Variants in DNAAF9 observed in about 807,000 individuals in gnomAD.
DNAAF9 encodes the protein shulin.
In DNAAF9, 90 loss-of-function variants were observed where a neutral mutation model predicts 167.0. That is an observed-to-expected ratio of 0.54 (90% CI 0.45 to 0.64). DNAAF9 has a LOEUF of 0.64. DNAAF9 is among the 30% of genes least tolerant of loss of function. DNAAF9 has a pLI of 0.00. For synonymous variants in DNAAF9, 491 were observed against 508.8 expected, an observed-to-expected ratio of 0.96 and a Z score of 0.47; for missense variants, 1,315 against 1,442.2, an observed-to-expected ratio of 0.91 and a Z score of 1.43.
chr20:3,259,627 G>A, intron 32 of DNAAF9, 73 bp from the exon 33 acceptor site: 1 of 1,054,654 alleles, frequency 9.5e-7, no homozygotes, highest in Non-Finnish European at 1.5e-6. Flanking sequence ...ACAGCTGGGA[G>A]TTTTAGGGAC....
chr20:3,321,626 T>C (rs2069617482), intron 16 of DNAAF9, among the ~76,000 whole-genome samples: 2 of 152,218 alleles, frequency 1.3e-5, no homozygotes, highest in Admixed American at 1.3e-4. Flanking sequence ...TGGAGTGCAG[T>C]GGTGCAATCA....
At chr20:3,268,559 C>G (rs980907463) in intron 30 of DNAAF9, among the ~76,000 whole-genome samples, 1 of 152,132 alleles carries the variant, frequency 6.6e-6, no homozygotes. Flanking sequence ...GAACTCCTGA[C>G]TTCGTGATCT....
chr20:3,259,973 C>G lies in DNAAF9; in HGVS notation c.2929G>C (p.Val977Leu), dbSNP rs182286470. ...TTCTCCAAGGGACGGCCAAACCATA[C>G]GCAGATCTGAACCATTAGGGGATAG... ...SVYPLMVQIC[V>L]WFGRPLEKTR... Residue 977 changes from valine to leucine, a missense_variant, in exon 32 of 37, where the codon GTA becomes CTA. This residue lies in a region of DNAAF9 where 334 missense variants were observed against 429.7 expected (regional missense o/e 0.78). Coordinates refer to ENST00000252032, the MANE Select transcript of DNAAF9 (RefSeq NM_001009984.3). 2 of 1,613,142 alleles carry G rather than the reference C, an allele frequency of 1.2e-6. No homozygotes were observed. Among genetic ancestry groups the G allele is most frequent in the Non-Finnish European group, 8.5e-7 (1 of 1,179,050 alleles).
chr20:3,294,055 T>C, intron 25 of DNAAF9, 84 bp downstream of exon 25: 1 of 788,914 alleles, frequency 1.3e-6, no homozygotes, highest in Non-Finnish European at 2.2e-6. Context: ...AAGTTCTTTT[T>C]GTTAACTGAC....
At chr20:3,314,974 G>T in intron 20 of DNAAF9, 59 bp downstream of exon 20, 1 of 865,854 alleles carries the variant, frequency 1.2e-6, no homozygotes, top group South Asian at 1.4e-5. Context: ...CACCCATGCT[G>T]ACATCTGCAA....
intron 1 of DNAAF9, among the ~76,000 whole-genome samples, chr20:3,387,884 TA>T (rs557861791): frequency 0.084 from 7,208 of 86,120 alleles, 197 homozygotes; most frequent in African/African-American, 0.12. Flanking sequence ...CTACAAAAAG[TA>T]AAAAAAAAAA....
intron 12 of DNAAF9, 129 bp from the exon 13 acceptor site, chr20:3,326,413 C>A (rs191835431): frequency 6.1e-6 from 4 of 650,770 alleles, no homozygotes; most frequent in East Asian, 2.8e-5. Flanking sequence ...AAAATATAAC[C>A]CACTGATTTC....
intron 7 of DNAAF9, among the ~76,000 whole-genome samples, chr20:3,349,675 T>C (rs1238367811): frequency 6.6e-6 from 1 of 152,158 alleles, no homozygotes; most frequent in East Asian, 1.9e-4. Context: ...AGCTGCTTTT[T>C]AGCATCCTTT....
chr20:3,340,711 AAG>A, intron 9 of DNAAF9, 72 bp from the exon 10 acceptor site: 1 of 1,435,716 alleles, frequency 7.0e-7, no homozygotes, highest in Non-Finnish European at 9.8e-7. Context: ...TGACCTTAAT[AAG>A]TCCTCAGGCT....
At chr20:3,292,922 T>C (rs1183207885) in intron 25 of DNAAF9, among the ~76,000 whole-genome samples, 1 of 151,556 alleles carries the variant, frequency 6.6e-6, no homozygotes, top group Non-Finnish European at 1.5e-5. Context: ...ACATCTCTAT[T>C]AAAAATACAA....
At chr20:3,392,286 T>C (rs1019841335) in intron 1 of DNAAF9, among the ~76,000 whole-genome samples, 2 of 152,222 alleles carry the variant, frequency 1.3e-5, no homozygotes, top group African/African-American at 4.8e-5. Context: ...GTTCTACCTT[T>C]AGAAGACGCA....
chr20:3,326,155 A>C, intron 13 of DNAAF9, 42 bp downstream of exon 13: 2 of 1,350,716 alleles, frequency 1.5e-6, no homozygotes, highest in Non-Finnish European at 2.1e-6. Context: ...GTTTTACATT[A>C]AAATAATAAT....
In DNAAF9 at chr20:3,330,641, CTT is replaced by C; in HGVS notation, c.1100+3_1100+4del. ...AGAAAGAAAAAATAAAATATGAAGA[CTT>C]ACATTTGTTCAGTTTTCTTGGGCAG... On this transcript the variant is annotated splice_donor_region_variant and intron_variant, in intron 12 of 36. Transcript: ENST00000252032. The C allele has an allele frequency of 6.3e-7, 1 of 1,576,528 alleles. No homozygotes were observed. The highest frequency in any genetic ancestry group is 8.7e-7 in the Non-Finnish European group (1 of 1,148,470).
chr20:3,361,644 A>G (rs1195907303), intron 6 of DNAAF9, among the ~76,000 whole-genome samples: 1 of 152,262 alleles, frequency 6.6e-6, no homozygotes, highest in Non-Finnish European at 1.5e-5. Context: ...CAGAAGTTCA[A>G]CTACATGGAC....
intron 10 of DNAAF9, among the ~76,000 whole-genome samples, chr20:3,332,989 A>G (rs1394155680): frequency 1.3e-5 from 2 of 151,618 alleles, no homozygotes; most frequent in Non-Finnish European, 2.9e-5. Context: ...CAGTTAGCCC[A>G]GGGATGCTAG....
chr20:3,377,462 TTC>T (rs2083590683), intron 3 of DNAAF9, among the ~76,000 whole-genome samples: 1 of 151,028 alleles, frequency 6.6e-6, no homozygotes, highest in Non-Finnish European at 1.5e-5. Flanking sequence ...AAGATCTGTT[TTC>T]TTTCTTTTTT....
intron 29 of DNAAF9, among the ~76,000 whole-genome samples, chr20:3,270,899 G>A (rs763719754): frequency 2.0e-5 from 3 of 150,378 alleles, no homozygotes; most frequent in Non-Finnish European, 4.4e-5. Flanking sequence ...TGCAACCTCA[G>A]CCTCCAGGGT....
intron 1 of DNAAF9, among the ~76,000 whole-genome samples, chr20:3,386,961 CTG>C (rs1469300664): frequency 1.3e-5 from 2 of 152,134 alleles, no homozygotes; most frequent in Non-Finnish European, 2.9e-5. Flanking sequence ...GACTACCAAA[CTG>C]AGAATTCAGA....
intron 1 of DNAAF9, chr20:3,384,447 T>C (rs1230181970): frequency 6.6e-6 from 1 of 152,084 alleles, no homozygotes; most frequent in Admixed American, 6.5e-5. Context: ...TGTTTCCTCT[T>C]TAATCATCAG....
Sources: gnomAD v4.1 joint callset for allele counts (sites outside exome capture counted in the v4.1 genomes callset) on GRCh38, gnomAD v4.1.1 for gene constraint, gnomAD v4.1.1 regional missense constraint, MANE v1.5 for transcripts, NCBI Gene and HGNC (gene_info 2026-07-23, HGNC 2026-07-21) for gene names.